MTHFD1L: variants seen among roughly 807,000 people sequenced by gnomAD.
The protein encoded by MTHFD1L is monofunctional C1-tetrahydrofolate synthase, mitochondrial.
A neutral mutation model predicts 119.5 loss-of-function variants in MTHFD1L; 81 were observed. The ratio of observed to expected loss-of-function variants is 0.68; its 90% confidence interval spans 0.57 to 0.82. MTHFD1L has a LOEUF of 0.82. MTHFD1L is among the 40% of genes least tolerant of loss of function. MTHFD1L has a pLI of 0.00. For synonymous variants in MTHFD1L, 430 were observed against 475.2 expected, an observed-to-expected ratio of 0.90 and a Z score of 1.24; for missense variants, 1,125 against 1,253.4, an observed-to-expected ratio of 0.90 and a Z score of 1.55.
At chr6:150,974,740 T>A (rs961759834) in intron 20 of MTHFD1L, among the ~76,000 whole-genome samples, 30 of 150,476 alleles carry the variant, frequency 2.0e-4, no homozygotes, top group Non-Finnish European at 2.2e-4. Context: ...TTTTTTTTTT[T>A]TTTTATTTTT....
intron 26 of MTHFD1L, among the ~76,000 whole-genome samples, chr6:151,050,265 C>T (rs901646157): frequency 5.3e-5 from 8 of 152,170 alleles, no homozygotes; most frequent in Non-Finnish European, 8.8e-5. Flanking sequence ...TGGGTTCAAG[C>T]GACTCTCCCA....
At chr6:151,061,723 G>C (rs374610478) in intron 26 of MTHFD1L, among the ~76,000 whole-genome samples, 4 of 152,132 alleles carry the variant, frequency 2.6e-5, no homozygotes, top group African/African-American at 9.7e-5. Context: ...GCCCCTCAAA[G>C]GGTCATTAAA....
At chr6:151,099,704 A>G in intron 27 of MTHFD1L, 1 of 1,609,716 alleles carries the variant, frequency 6.2e-7, no homozygotes, top group Non-Finnish European at 8.5e-7. Context: ...AACACTGGTT[A>G]TGGGAGCAAC....
At chr6:151,099,492 C>A in intron 27 of MTHFD1L, 1 of 1,326,702 alleles carries the variant, frequency 7.5e-7, no homozygotes, top group Non-Finnish European at 1.1e-6. Context: ...TCGGCGCTGC[C>A]TATGGAGGTG....
chr6:150,966,594 G>A (rs559527546), intron 19 of MTHFD1L, among the ~76,000 whole-genome samples: 1 of 152,150 alleles, frequency 6.6e-6, no homozygotes, highest in Admixed American at 6.5e-5. Context: ...AGGCCAAGGC[G>A]GGCAGATCCC....
intron 8 of MTHFD1L, among the ~76,000 whole-genome samples, chr6:150,911,656 G>A (rs535348030): frequency 7.2e-5 from 11 of 152,074 alleles, no homozygotes; most frequent in Non-Finnish European, 1.2e-4. Context: ...GAGGGAGGGC[G>A]TATTAGTCCA....
chr6:151,007,681 A>G (rs908639369), intron 20 of MTHFD1L, among the ~76,000 whole-genome samples: 5 of 152,176 alleles, frequency 3.3e-5, no homozygotes, highest in African/African-American at 1.2e-4. Flanking sequence ...CCACTCAGTG[A>G]TGACTTTTGA....
At position 151,071,799 on chromosome 6, in the gene MTHFD1L, T is replaced by G. The variant is rs867520555; in HGVS notation, c.2848-20668T>G. ...TTCTTTTCTACAGATAACTTTCTTT[T>G]AAAACATTCTAAATATTAAGCAACA... On this transcript the variant is annotated intron_variant, in intron 26 of 27. Transcript: ENST00000367321. Among the ~76,000 whole-genome samples the G allele has an allele frequency of 7.9e-5, 12 of 151,378 alleles. No homozygotes were observed. In the South Asian group the frequency reaches 8.3e-4, roughly 10 times the overall value.
At chr6:151,086,990 C>G (rs561441598) in intron 26 of MTHFD1L, among the ~76,000 whole-genome samples, 1 of 152,268 alleles carries the variant, frequency 6.6e-6, no homozygotes, top group East Asian at 1.9e-4. Flanking sequence ...TTGCTCACCC[C>G]TATAATCCCA....
intron 7 of MTHFD1L, among the ~76,000 whole-genome samples, chr6:150,901,478 C>A (rs1421467561): frequency 6.6e-6 from 1 of 152,038 alleles, no homozygotes; most frequent in Non-Finnish European, 1.5e-5. Flanking sequence ...ACCCCGTCTC[C>A]AAAAATAAAT....
chr6:150,960,786 T>C (rs1156599146), intron 18 of MTHFD1L, among the ~76,000 whole-genome samples: 1 of 152,158 alleles, frequency 6.6e-6, no homozygotes, highest in Non-Finnish European at 1.5e-5. Context: ...CAAATCACCT[T>C]TCCAAGGAAC....
chr6:150,905,196 G>C (rs940679343), intron 7 of MTHFD1L, among the ~76,000 whole-genome samples: 1 of 151,746 alleles, frequency 6.6e-6, no homozygotes, highest in African/African-American at 2.4e-5. Flanking sequence ...AGCACGCCTG[G>C]CTAATTTTTG....
intron 25 of MTHFD1L, among the ~76,000 whole-genome samples, chr6:151,035,348 T>G (rs1191698226): frequency 6.6e-6 from 1 of 152,344 alleles, no homozygotes; most frequent in East Asian, 1.9e-4. Context: ...TTTAAGAGCC[T>G]GCTGGCTAAA....
At chr6:150,910,058 G>A (rs1288986919) in intron 8 of MTHFD1L, among the ~76,000 whole-genome samples, 1 of 152,000 alleles carries the variant, frequency 6.6e-6, no homozygotes, top group Non-Finnish European at 1.5e-5. Flanking sequence ...GCAGGCACCT[G>A]TAATCCCAGC....
intron 26 of MTHFD1L, among the ~76,000 whole-genome samples, chr6:151,082,003 T>C (rs1306405438): frequency 6.6e-6 from 1 of 152,122 alleles, no homozygotes; most frequent in Non-Finnish European, 1.5e-5. Context: ...GACCTTGACA[T>C]AAAACCCAGC....
intron 5 of MTHFD1L, 121 bp from the exon 6 acceptor site, chr6:150,885,513 A>T: frequency 7.2e-6 from 5 of 695,436 alleles, no homozygotes; most frequent in Non-Finnish European, 1.2e-5. Flanking sequence ...ATTCATTTTT[A>T]TGTATTCTGT....
chr6:150,921,837 A>ATTC (rs1713034326), intron 9 of MTHFD1L, among the ~76,000 whole-genome samples: 1 of 152,250 alleles, frequency 6.6e-6, no homozygotes. Flanking sequence ...TTTTAAAAAC[A>ATTC]TTCTCAGATT....
At chr6:150,960,050 G>C (rs113553804) in intron 17 of MTHFD1L, among the ~76,000 whole-genome samples, 3 of 152,224 alleles carry the variant, frequency 2.0e-5, no homozygotes, top group African/African-American at 7.2e-5. Flanking sequence ...GCTGAGCAGA[G>C]CATGGCAAAG....
chr6:150,937,609 G>A (rs1332403484), intron 12 of MTHFD1L, among the ~76,000 whole-genome samples: 1 of 152,100 alleles, frequency 6.6e-6, no homozygotes, highest in Non-Finnish European at 1.5e-5. Context: ...TACTGATAAC[G>A]CACAGAGTGT....
Sources: allele counts gnomAD v4.1 joint callset (sites outside exome capture counted in the v4.1 genomes callset), GRCh38; gene constraint gnomAD v4.1.1; transcripts MANE v1.5; gene names NCBI Gene and HGNC (gene_info 2026-07-23, HGNC 2026-07-21).